PPP1R37: variants seen among roughly 807,000 people sequenced by gnomAD.
PPP1R37 encodes protein phosphatase 1 regulatory subunit 37.
In PPP1R37, 21 loss-of-function variants were observed where a neutral mutation model predicts 61.0. The observed-to-expected ratio is 0.34, with a 90% CI of 0.24 to 0.50. The LOEUF (loss-of-function observed/expected upper bound fraction) is 0.50. Ranked by LOEUF, PPP1R37 falls within the 20% of genes least tolerant of loss-of-function variation. The pLI, the probability that PPP1R37 is intolerant of heterozygous loss-of-function variation, is 0.98. For missense variants in PPP1R37, 910 were observed against 952.7 expected, an observed-to-expected ratio of 0.96 and a Z score of 0.59; for synonymous variants, 443 against 433.5, an observed-to-expected ratio of 1.02 and a Z score of -0.27.
At chr19:45,139,105 C>T (rs547973008) in intron 2 of PPP1R37, among the ~76,000 whole-genome samples, 23 of 151,540 alleles carry the variant, frequency 1.5e-4, no homozygotes, top group African/African-American at 5.3e-4. Flanking sequence ...TTAGTAGAGA[C>T]GGGGTTTCGC....
At chr19:45,136,859 T>G (rs1417719089) in intron 1 of PPP1R37, 1 of 152,334 alleles carries the variant, frequency 6.6e-6, no homozygotes, top group Non-Finnish European at 1.5e-5. Context: ...GACACCATAC[T>G]TTACCCAGAC....
At chr19:45,124,505 C>T (rs1471711659) in intron 1 of PPP1R37, among the ~76,000 whole-genome samples, 1 of 152,156 alleles carries the variant, frequency 6.6e-6, no homozygotes, top group East Asian at 1.9e-4. Context: ...CTGACTCTAC[C>T]TGTCTGCCTG....
chr19:45,127,786 C>CT (rs2122737749), intron 1 of PPP1R37, among the ~76,000 whole-genome samples: 1 of 152,178 alleles, frequency 6.6e-6, no homozygotes, highest in East Asian at 1.9e-4. Flanking sequence ...ACCATCCTGA[C>CT]TAACACAGTG....
At chr19:45,098,948 T>A (rs1049930596) in intron 1 of PPP1R37, among the ~76,000 whole-genome samples, 1 of 152,196 alleles carries the variant, frequency 6.6e-6, no homozygotes, top group Non-Finnish European at 1.5e-5. Flanking sequence ...AGCAGCCACG[T>A]GACTTTGGCG....
At position 45,145,812 on chromosome 19, in the gene PPP1R37, T is replaced by TGGCG; in HGVS notation, c.1756_1757insGGCG (p.Ser586TrpfsTer27). ...GCCCGAGAGGGCAGAGCCCCCTGCG[T>TGGCG]CCCCCACCCCTCCCTCTCCCCCACC... On this transcript the variant is annotated frameshift_variant, in exon 11 of 13. Coordinates refer to ENST00000221462, the MANE Select transcript of PPP1R37 (RefSeq NM_019121.2). LOFTEE classifies it high-confidence loss of function. 3.3e-6 allele frequency: 4 copies of TGGCG among 1,227,550 alleles called. No homozygotes were observed. Among genetic ancestry groups the TGGCG allele is most frequent in the Non-Finnish European group, 3.3e-6 (3 of 922,032 alleles). The allele number at this position is 1,227,550 out of a possible 1,614,324, so 76.0% of individuals were successfully genotyped here. A position where few individuals can be genotyped will look rare whatever the true frequency, so the allele number is the denominator to read the frequency against.
chr19:45,122,392 G>A (rs1968353340), intron 1 of PPP1R37, among the ~76,000 whole-genome samples: 1 of 152,160 alleles, frequency 6.6e-6, no homozygotes. Flanking sequence ...CCACCTTCCT[G>A]TTCCTTCAGT....
Position 45,144,076 on chromosome 19 carries a change from C to T in PPP1R37, c.987+443C>T, listed in dbSNP as rs184869828. ...TCGCCCAGGCTGGAGTGCAGTGGCT[C>T]GATCTCCGCTCACTGCAAGCCCCAC... On this transcript the variant is annotated intron_variant, in intron 8 of 12. Coordinates refer to ENST00000221462, the MANE Select transcript of PPP1R37 (RefSeq NM_019121.2). 222 of 155,250 alleles carry T rather than the reference C, an allele frequency of 1.4e-3. 1 individual carries two copies. Among genetic ancestry groups the T allele is most frequent in the African/African-American group, 3.0e-3 (123 of 41,482 alleles). The allele number at this position is 155,250 out of a possible 1,614,324, so 9.6% of individuals were successfully genotyped here.
At chr19:45,141,937 C>T (rs967849029) in intron 5 of PPP1R37, 124 bp from the exon 6 acceptor site, 17 of 1,075,340 alleles carry the variant, frequency 1.6e-5, no homozygotes, top group African/African-American at 1.3e-4. Flanking sequence ...GCTGTGGCTT[C>T]GTTGCTCATT....
chr19:45,127,879 G>A (rs1400885797), intron 1 of PPP1R37, among the ~76,000 whole-genome samples: 1 of 151,318 alleles, frequency 6.6e-6, no homozygotes, highest in African/African-American at 2.4e-5. Flanking sequence ...GGAGGCTGAG[G>A]CAGGAGAATC....
intron 8 of PPP1R37, 83 bp downstream of exon 8, chr19:45,143,716 C>T: frequency 1.3e-6 from 1 of 744,146 alleles, no homozygotes; most frequent in Non-Finnish European, 2.3e-6. Context: ...TTGCCTCTAG[C>T]TGACGGCTCC....
At chr19:45,135,252 A>G (rs1968524557) in intron 1 of PPP1R37, among the ~76,000 whole-genome samples, 1 of 152,160 alleles carries the variant, frequency 6.6e-6, no homozygotes, top group Admixed American at 6.5e-5. Context: ...TGTCTCAAAA[A>G]AAAAGAAGAG....
At chr19:45,106,792 A>G (rs1258659707) in intron 1 of PPP1R37, among the ~76,000 whole-genome samples, 5 of 143,682 alleles carry the variant, frequency 3.5e-5, no homozygotes, top group African/African-American at 1.3e-4. Context: ...CCTTATGGCT[A>G]ATGATGTTGA....
Position 45,146,463 on chromosome 19 carries a change from G to A in PPP1R37, c.2067G>A (p.Glu689=), listed in dbSNP as rs1458098320. 1.2e-5 allele frequency: 18 copies of A among 1,535,430 alleles called. No individual in the cohort carries two copies. Among genetic ancestry groups the A allele is most frequent in the South Asian group, 3.6e-5 (3 of 84,016 alleles). ...LLEASQESGQ[E]TL is the part of the protein sequence containing the mutation. ...AAGCCAGTCAGGAATCCGGGCAGGA[G>A]ACACTGTGACACTTTAGGTGAGGCC... is the stretch of plus-strand genomic sequence containing the variant. The change falls in exon 12 of 13, where the codon GAG becomes GAA. Residue 689 remains glutamate (E), a synonymous_variant. Coordinates refer to ENST00000221462, the MANE Select transcript of PPP1R37 (RefSeq NM_019121.2).
intron 5 of PPP1R37, 143 bp downstream of exon 5, chr19:45,141,584 C>A: frequency 1.7e-6 from 2 of 1,156,740 alleles, no homozygotes; most frequent in Admixed American, 2.9e-5. Flanking sequence ...GGCCCTCAGG[C>A]CAGGAGAACA....
chr19:45,118,462 T>C (rs1256713230), intron 1 of PPP1R37, among the ~76,000 whole-genome samples: 1 of 152,168 alleles, frequency 6.6e-6, no homozygotes, highest in Non-Finnish European at 1.5e-5. Context: ...CACTCAGGGA[T>C]GTGACCTTTC....
At chr19:45,138,301 AGTGGT>A (rs1968563915) in intron 1 of PPP1R37, among the ~76,000 whole-genome samples, 2 of 152,104 alleles carry the variant, frequency 1.3e-5, no homozygotes, top group South Asian at 4.1e-4. Flanking sequence ...CGTGGAGGGC[AGTGGT>A]GACTTGGGGT....
At chr19:45,113,761 C>G (rs554497072) in intron 1 of PPP1R37, among the ~76,000 whole-genome samples, 1 of 152,364 alleles carries the variant, frequency 6.6e-6, no homozygotes, top group East Asian at 1.9e-4. Flanking sequence ...AGAGAGTTCT[C>G]TCCGCCCCCT....
At chr19:45,140,415 G>GT in intron 3 of PPP1R37, 91 bp from the exon 4 acceptor site, 1 of 1,277,686 alleles carries the variant, frequency 7.8e-7, no homozygotes, top group East Asian at 2.5e-5. Flanking sequence ...GCTGGGCCTG[G>GT]TGGGGGGTGG....
At chr19:45,099,739 C>G (rs1053769784) in intron 1 of PPP1R37, among the ~76,000 whole-genome samples, 4 of 152,246 alleles carry the variant, frequency 2.6e-5, no homozygotes, top group Admixed American at 2.6e-4. Context: ...CAGGAGGGCT[C>G]GGGCACGGGA....
Sources: gnomAD v4.1 joint callset for allele counts (sites outside exome capture counted in the v4.1 genomes callset) on GRCh38, gnomAD v4.1.1 for gene constraint, MANE v1.5 for transcripts, NCBI Gene and HGNC (gene_info 2026-07-23, HGNC 2026-07-21) for gene names.